KREMEN1: variants seen among roughly 807,000 people sequenced by gnomAD.
KREMEN1 encodes kringle containing transmembrane protein 1.
Under a neutral mutation model 46.5 loss-of-function variants are expected in KREMEN1, and 30 were observed. The ratio of observed to expected loss-of-function variants is 0.65; its 90% CI spans 0.48 to 0.88. The LOEUF (loss-of-function observed/expected upper bound fraction) is 0.88. Ranked by LOEUF, KREMEN1 falls within the 40% of genes least tolerant of loss-of-function variation. The pLI, the probability that KREMEN1 is intolerant of heterozygous loss-of-function variation, is 0.00. For missense variants in KREMEN1, 533 were observed against 596.9 expected, an observed-to-expected ratio of 0.89 and a Z score of 1.11; for synonymous variants, 214 against 230.6, an observed-to-expected ratio of 0.93 and a Z score of 0.65.
rs1038936328 is a variant in KREMEN1, at chr22:29,145,448, C to T, written c.*3336C>T. 3.9e-5 allele frequency: 38 copies of T among 985,462 alleles called. No homozygotes were observed. In the South Asian group the frequency reaches 1.6e-3, roughly 43 times the overall value. 61.0% of individuals were successfully genotyped at this position (985,462 alleles called of 1,614,324 possible). ...CACTGGGCCTGCGTGCCATCCTCACCCCTGTTCCCCGCTGGCGCCAGGCCC... is the reference window on the plus strand; with the variant it reads ...CACTGGGCCTGCGTGCCATCCTCACTCCTGTTCCCCGCTGGCGCCAGGCCC... On this transcript the variant is annotated 3_prime_UTR_variant, in exon 9 of 9. Coordinates refer to ENST00000400335, the MANE Select transcript of KREMEN1 (RefSeq NM_001039570.3).
chr22:29,143,552 C>G lies in KREMEN1; in HGVS notation c.*1440C>G, dbSNP rs2038803603. On this transcript the variant is annotated 3_prime_UTR_variant, in exon 9 of 9. Coordinates refer to ENST00000400335, the MANE Select transcript of KREMEN1 (RefSeq NM_001039570.3). Reference sequence around the variant, plus strand: ...GGTCAGGTGATCGAAACCATCCTGGCTAAGATGGTGAAACCCCGTCTCTAC... The same window carrying G: ...GGTCAGGTGATCGAAACCATCCTGGGTAAGATGGTGAAACCCCGTCTCTAC... 8 of 820,154 alleles carry G rather than the reference C, an allele frequency of 9.8e-6. No homozygotes were observed. The highest frequency in any genetic ancestry group is 1.2e-5 in the Non-Finnish European group (8 of 679,544). The allele number at this position is 820,154 out of a possible 1,614,324, so 50.8% of individuals were successfully genotyped here.
downstream of KREMEN1, among the ~76,000 whole-genome samples, chr22:29,150,447 G>A (rs535121080): frequency 2.6e-5 from 4 of 152,344 alleles, no homozygotes; most frequent in South Asian, 4.1e-4. Flanking sequence ...TAACCCCTCC[G>A]GGAGAAACAC....
At chr22:29,111,613 C>CAAAAA (rs33999396) in intron 3 of KREMEN1, 2 of 88,974 alleles carry the variant, frequency 2.2e-5, no homozygotes, top group Non-Finnish European at 4.2e-5. Context: ...GACTCCGTCT[C>CAAAAA]AAAAAAAAAA....
At chr22:29,111,849 A>C (rs1473593920) in intron 3 of KREMEN1, among the ~76,000 whole-genome samples, 2 of 152,326 alleles carry the variant, frequency 1.3e-5, no homozygotes, top group East Asian at 3.9e-4. Flanking sequence ...TTAGTGAATT[A>C]CCAGCTGAAG....
In KREMEN1 at chr22:29,077,136, G is replaced by T. The variant is rs370172689; in HGVS notation, c.97+3909G>T. Among the ~76,000 whole-genome samples, 4 of 152,282 alleles carry T rather than the reference G, an allele frequency of 2.6e-5. No individual in the cohort carries two copies. In the East Asian group the frequency reaches 5.8e-4, roughly 22 times the overall value. ...ACCATCCTTAGTTTAGAATTTTTGA[G>T]TCTGGAAATGTCAACTGATAATCTA... On this transcript the variant is annotated intron_variant, in intron 1 of 8. Coordinates refer to ENST00000400335, the MANE Select transcript of KREMEN1 (RefSeq NM_001039570.3).
intron 9 of KREMEN1, among the ~76,000 whole-genome samples, chr22:29,159,604 G>T (rs1437667032): frequency 1.3e-5 from 2 of 150,970 alleles, no homozygotes; most frequent in Non-Finnish European, 1.5e-5. Context: ...GGGCAACAGA[G>T]CGAGACTCTG....
At chr22:29,152,582 G>A (rs558135136) in intron 9 of KREMEN1, among the ~76,000 whole-genome samples, 1 of 152,284 alleles carries the variant, frequency 6.6e-6, no homozygotes, top group African/African-American at 2.4e-5. Context: ...TGCCCTAGCG[G>A]GAGACAGAAT....
chr22:29,073,097 C>CGGGCCGCGCCCCG lies in KREMEN1; in HGVS notation c.-28_-16dup. ...GCTCCCCGCGCTGCCCCCTTTACCC[C>CGGGCCGCGCCCCG]GGGCCGCGCCCCGGGGCCCCGCACT... is the stretch of plus-strand genomic sequence containing the variant. On this transcript the variant is annotated 5_prime_UTR_variant, in exon 1 of 9. It removes the in-frame stop codon of an upstream open reading frame in the 5' UTR. Transcript: ENST00000400335. The surrounding 1 kb of genome is among the most constrained non-coding windows in gnomAD (Gnocchi z 4.4). 1 of 775,466 alleles carries CGGGCCGCGCCCCG rather than the reference C, an allele frequency of 1.3e-6. No homozygotes were observed. The highest frequency in any genetic ancestry group is 1.6e-6 in the Non-Finnish European group (1 of 636,640). The allele number at this position is 775,466 out of a possible 1,614,324, so 48.0% of individuals were successfully genotyped here. A position where few individuals can be genotyped will look rare whatever the true frequency, so the allele number is the denominator to read the frequency against.
rs6005988 is a variant in KREMEN1, at chr22:29,085,372, A to G, written c.98-8886A>G. ...TACATTATTTTGTAACCAATTTCAG[A>G]TATGTCACCTCATCTGTAAACATTT... On this transcript the variant is annotated intron_variant, in intron 1 of 8. Transcript: ENST00000400335. Among the ~76,000 whole-genome samples, 943 of 152,266 alleles carry G rather than the reference A, an allele frequency of 6.2e-3. 10 individuals are homozygous for G. The highest frequency in any genetic ancestry group is 0.022 in the African/African-American group (908 of 41,534).
chr22:29,145,376 C>T lies in KREMEN1; in HGVS notation c.*3264C>T, dbSNP rs2038840769. 1.0e-6 allele frequency: 1 copy of T among 985,516 alleles called. No individual in the cohort carries two copies. The highest frequency in any genetic ancestry group is 4.7e-5 in the South Asian group (1 of 21,286). 61.0% of individuals were successfully genotyped at this position (985,516 alleles called of 1,614,324 possible). Reference sequence around the variant, plus strand: ...CACTGTGGACAGAGCTCTGAAAGCACCCTGGCCAAAGCCCCTCCTGAGGTG... The same window carrying T: ...CACTGTGGACAGAGCTCTGAAAGCATCCTGGCCAAAGCCCCTCCTGAGGTG... On this transcript the variant is annotated 3_prime_UTR_variant, in exon 9 of 9. Transcript: ENST00000400335.
chr22:29,132,789 A>G (rs1030278724), intron 5 of KREMEN1, among the ~76,000 whole-genome samples: 8 of 151,944 alleles, frequency 5.3e-5, no homozygotes, highest in Non-Finnish European at 1.0e-4. Context: ...TTTTTGAGTA[A>G]TTTTTGCTGG....
downstream of KREMEN1, among the ~76,000 whole-genome samples, chr22:29,149,535 C>T (rs1382364715): frequency 1.3e-5 from 2 of 152,298 alleles, no homozygotes; most frequent in East Asian, 1.9e-4. Context: ...CTCCTAGAGG[C>T]TCTTTCCTTC....
chr22:29,158,861 T>G (rs1433550763), intron 9 of KREMEN1, among the ~76,000 whole-genome samples: 2 of 152,162 alleles, frequency 1.3e-5, no homozygotes, highest in Non-Finnish European at 2.9e-5. Context: ...GGAGTCTCAG[T>G]CTGTTGCCCA....
chr22:29,080,944 T>TTC (rs2037645293), intron 1 of KREMEN1, among the ~76,000 whole-genome samples: 1 of 26,180 alleles, frequency 3.8e-5, no homozygotes, highest in Non-Finnish European at 9.3e-5. Flanking sequence ...TTTTGTCCTT[T>TTC]TTTTTTTTTT....
chr22:29,098,734 T>A (rs1428186341), intron 2 of KREMEN1, 128 bp from the exon 3 acceptor site: 4 of 692,282 alleles, frequency 5.8e-6, no homozygotes, highest in Non-Finnish European at 1.0e-5. Context: ...GAGATGGCAC[T>A]GAGATACAGA....
intron 1 of KREMEN1, among the ~76,000 whole-genome samples, chr22:29,093,848 C>T (rs1468444809): frequency 6.6e-6 from 1 of 152,162 alleles, no homozygotes; most frequent in Non-Finnish European, 1.5e-5. Flanking sequence ...TGACCTGGTT[C>T]CAGTTACCAC....
chr22:29,115,202 A>G (rs943671387), intron 3 of KREMEN1, among the ~76,000 whole-genome samples: 4 of 152,234 alleles, frequency 2.6e-5, no homozygotes, highest in Non-Finnish European at 5.9e-5. Context: ...CAAACATTGT[A>G]TGTTCTCACT....
At chr22:29,150,231 G>A (rs908350183), downstream of KREMEN1, among the ~76,000 whole-genome samples, 70 of 151,862 alleles carry the variant, frequency 4.6e-4, no homozygotes, top group Non-Finnish European at 7.2e-4. Context: ...TGGGGGGGGG[G>A]GCAGTGCCTG....
At chr22:29,161,343 T>TA (rs1384432548) in intron 9 of KREMEN1, among the ~76,000 whole-genome samples, 1 of 150,930 alleles carries the variant, frequency 6.6e-6, no homozygotes, top group Non-Finnish European at 1.5e-5. Context: ...CCGTCTGTAC[T>TA]AAAAATACAA....
Sources: gnomAD v4.1 joint callset for allele counts (sites outside exome capture counted in the v4.1 genomes callset) on GRCh38, gnomAD v4.1.1 for gene constraint, Gnocchi (gnomAD v3.1) non-coding constraint, MANE v1.5 for transcripts, NCBI Gene and HGNC (gene_info 2026-07-23, HGNC 2026-07-21) for gene names.